Variants in KCNH8 observed in about 807,000 individuals in gnomAD.
The protein encoded by KCNH8 is potassium voltage-gated channel subfamily H member 8.
A neutral mutation model predicts 103.6 loss-of-function variants in KCNH8; 70 were observed. The ratio of observed to expected loss-of-function variants is 0.68; its 90% CI spans 0.56 to 0.82. The LOEUF (loss-of-function observed/expected upper bound fraction) is 0.82. Among genes scored for constraint, KCNH8 ranks in the 40% least tolerant of loss-of-function variants. The pLI is 0.00. For synonymous variants in KCNH8, 498 were observed against 489.4 expected (o/e 1.02, Z -0.23); for missense variants, 1,217 against 1,329.9 (o/e 0.92, Z 1.32).
intron 12 of KCNH8, among the ~76,000 whole-genome samples, chr3:19,511,901 T>TA (rs2068789341): frequency 6.6e-6 from 1 of 152,088 alleles, no homozygotes; most frequent in Non-Finnish European, 1.5e-5. Context: ...ATACCTGTAA[T>TA]ATATACACCA....
In KCNH8 at chr3:19,515,316, A is replaced by G. The variant is rs2125244147; in HGVS notation, c.2436-6A>G. On this transcript the variant is annotated splice_region_variant and splice_polypyrimidine_tract_variant and intron_variant, in intron 13 of 15. Transcript: ENST00000328405. ...ACAGCCAGCCAATTTCCTTTATTTT[A>G]AGTAGGATTGTTGATGGAATTGAAG... 1 of 1,544,790 alleles carries G rather than the reference A, an allele frequency of 6.5e-7. No individual in the cohort carries two copies. Among genetic ancestry groups the G allele is most frequent in the Non-Finnish European group, 8.8e-7 (1 of 1,130,616 alleles).
At chr3:19,345,942 C>G (rs957751059) in intron 4 of KCNH8, among the ~76,000 whole-genome samples, 1 of 152,008 alleles carries the variant, frequency 6.6e-6, no homozygotes, top group African/African-American at 2.4e-5. Flanking sequence ...ACTAATGCTT[C>G]ATATAATCAG....
At chr3:19,518,950 ATAAT>A (rs1327697186) in intron 15 of KCNH8, among the ~76,000 whole-genome samples, 2 of 152,100 alleles carry the variant, frequency 1.3e-5, no homozygotes, top group Non-Finnish European at 2.9e-5. Flanking sequence ...TACAGGAAGT[ATAAT>A]TAAAGAACAG....
chr3:19,299,488 C>G (rs527883755), intron 3 of KCNH8, among the ~76,000 whole-genome samples: 1 of 152,128 alleles, frequency 6.6e-6, no homozygotes, highest in African/African-American at 2.4e-5. Context: ...ACAACAGCAA[C>G]AAAAAGTGTC....
intron 7 of KCNH8, among the ~76,000 whole-genome samples, chr3:19,414,675 CAAATT>C (rs1054654117): frequency 2.3e-4 from 35 of 152,024 alleles, no homozygotes; most frequent in African/African-American, 7.9e-4. Flanking sequence ...TGATTTATAT[CAAATT>C]AATATTATGC....
intron 1 of KCNH8, among the ~76,000 whole-genome samples, chr3:19,165,129 T>C (rs2063270296): frequency 6.6e-6 from 1 of 152,200 alleles, no homozygotes; most frequent in South Asian, 2.1e-4. Context: ...TTGTACACTC[T>C]GTGCAGTTTA....
intron 7 of KCNH8, among the ~76,000 whole-genome samples, chr3:19,398,904 A>G (rs935768403): frequency 6.6e-6 from 1 of 152,038 alleles, no homozygotes; most frequent in Non-Finnish European, 1.5e-5. Context: ...TAGCTTTAAA[A>G]GTATTGCCTT....
intron 7 of KCNH8, among the ~76,000 whole-genome samples, chr3:19,437,571 T>C (rs192664613): frequency 1.3e-4 from 20 of 152,190 alleles, no homozygotes; most frequent in Admixed American, 1.2e-3. Context: ...CCAACCCTAA[T>C]TTCGAAGTGG....
chr3:19,524,548 A>C (rs2069029429), intron 15 of KCNH8, among the ~76,000 whole-genome samples: 1 of 151,876 alleles, frequency 6.6e-6, no homozygotes, highest in African/African-American at 2.4e-5. Flanking sequence ...TGAGAATTTT[A>C]CTGACTTTAA....
intron 7 of KCNH8, among the ~76,000 whole-genome samples, chr3:19,403,438 TTAAC>T (rs1186882637): frequency 7.6e-4 from 111 of 145,960 alleles, no homozygotes; most frequent in African/African-American, 2.5e-3. Flanking sequence ...AGAACAATCT[TTAAC>T]TATTACCCCC....
At chr3:19,168,851 TA>T (rs1244171041) in intron 1 of KCNH8, among the ~76,000 whole-genome samples, 2 of 152,112 alleles carry the variant, frequency 1.3e-5, no homozygotes, top group Non-Finnish European at 2.9e-5. Flanking sequence ...ATCACTCCAA[TA>T]AAAAAATTAA....
intron 1 of KCNH8, among the ~76,000 whole-genome samples, chr3:19,155,498 A>G (rs1357271954): frequency 6.6e-6 from 1 of 152,022 alleles, no homozygotes; most frequent in African/African-American, 2.4e-5. Context: ...TTACCACTTA[A>G]TCATGTAACA....
At chr3:19,501,949 G>C (rs1165384061) in intron 11 of KCNH8, among the ~76,000 whole-genome samples, 9 of 152,164 alleles carry the variant, frequency 5.9e-5, no homozygotes, top group Non-Finnish European at 1.5e-5. Context: ...AGGAAATAAA[G>C]GGTATTCAAT....
intron 3 of KCNH8, among the ~76,000 whole-genome samples, chr3:19,320,253 G>A (rs2125303233): frequency 6.6e-6 from 1 of 152,092 alleles, no homozygotes; most frequent in African/African-American, 2.4e-5. Context: ...CAGAGGGAGT[G>A]CTTTCAACTT....
Position 19,234,203 on chromosome 3 carries a change from A to C in KCNH8, c.77-19451A>C, listed in dbSNP as rs562213841. ...GGTTCTCCACGTCCCTACCAGACTCAGGAGCCCAGCTGGCTTCACTTAGTG... is the reference window on the plus strand; with the variant it reads ...GGTTCTCCACGTCCCTACCAGACTCCGGAGCCCAGCTGGCTTCACTTAGTG... On this transcript the variant is annotated intron_variant, in intron 1 of 15. Coordinates refer to ENST00000328405, the MANE Select transcript of KCNH8 (RefSeq NM_144633.3). 6.6e-5 allele frequency among the ~76,000 whole-genome samples: 10 copies of C among 152,316 alleles called. No homozygotes were observed. In the East Asian group the frequency reaches 1.9e-3, roughly 29 times the overall value.
intron 14 of KCNH8, 152 bp from the exon 15 acceptor site, chr3:19,517,846 C>T: frequency 1.7e-6 from 1 of 590,928 alleles, no homozygotes; most frequent in Non-Finnish European, 3.0e-6. Context: ...ATACAAAAAG[C>T]TTGCCTGATC....
chr3:19,532,883 G>GGC (rs2069188121), intron 15 of KCNH8, among the ~76,000 whole-genome samples: 1 of 152,182 alleles, frequency 6.6e-6, no homozygotes, highest in Non-Finnish European at 1.5e-5. Flanking sequence ...CTTGGGCTTG[G>GGC]TTGGAGTTGG....
intron 3 of KCNH8, among the ~76,000 whole-genome samples, chr3:19,294,755 G>A (rs1057030291): frequency 6.6e-6 from 1 of 152,130 alleles, no homozygotes; most frequent in African/African-American, 2.4e-5. Flanking sequence ...ACCACAGTAT[G>A]ATGTAATGAG....
At chr3:19,323,397 T>A (rs1028431320) in intron 3 of KCNH8, among the ~76,000 whole-genome samples, 1 of 151,926 alleles carries the variant, frequency 6.6e-6, no homozygotes, top group Non-Finnish European at 1.5e-5. Context: ...TGCAGTGAGC[T>A]GAGATCGCAC....
Sources: allele counts gnomAD v4.1 joint callset (sites outside exome capture counted in the v4.1 genomes callset), GRCh38; gene constraint gnomAD v4.1.1; transcripts MANE v1.5; gene names NCBI Gene and HGNC (gene_info 2026-07-23, HGNC 2026-07-21).